SPIDR: variants seen among roughly 807,000 people sequenced by gnomAD.
SPIDR encodes scaffold protein involved in DNA repair, also known as DNA repair-scaffolding protein.
SPIDR carries 93 observed loss-of-function variants against 104.6 expected under a neutral mutation model. The ratio of observed to expected loss-of-function variants is 0.89; its 90% CI spans 0.75 to 1.06. The LOEUF (loss-of-function observed/expected upper bound fraction) is 1.06. Ranked by LOEUF, SPIDR falls within the 50% of genes least tolerant of loss-of-function variation. The pLI is 0.00. For missense variants in SPIDR, 1,154 were observed against 1,111.2 expected, an observed-to-expected ratio of 1.04 and a Z score of -0.55; for synonymous variants, 431 against 416.9, an observed-to-expected ratio of 1.03 and a Z score of -0.41.
intron 5 of SPIDR, among the ~76,000 whole-genome samples, chr8:47,317,483 G>C (rs1254902791): frequency 6.6e-6 from 1 of 152,166 alleles, no homozygotes; most frequent in Non-Finnish European, 1.5e-5. Context: ...GCCCACCACA[G>C]TTCAAGGAGG....
intron 8 of SPIDR, among the ~76,000 whole-genome samples, chr8:47,582,235 C>A (rs535859772): frequency 0.012 from 1,458 of 123,644 alleles, 23 homozygotes; most frequent in African/African-American, 0.042. Context: ...AAAAAAAAAA[C>A]TGCTTGTTTT....
At chr8:47,352,945 T>C (rs901192202) in intron 5 of SPIDR, among the ~76,000 whole-genome samples, 2 of 150,932 alleles carry the variant, frequency 1.3e-5, no homozygotes, top group African/African-American at 2.4e-5. Flanking sequence ...TCCCAGCTAC[T>C]TGGGAGGCTG....
At chr8:47,429,809 A>T (rs185835145) in intron 7 of SPIDR, among the ~76,000 whole-genome samples, 104 of 143,788 alleles carry the variant, frequency 7.2e-4, no homozygotes, top group Non-Finnish European at 1.3e-3. Flanking sequence ...GCTTATATAT[A>T]TTTTTTTTAT....
chr8:47,717,846 G>C (rs186382462), intron 16 of SPIDR, among the ~76,000 whole-genome samples: 1 of 152,346 alleles, frequency 6.6e-6, no homozygotes, highest in East Asian at 1.9e-4. Flanking sequence ...GAGATCAGCA[G>C]TTCAGATTCT....
At chr8:47,567,769 C>CT (rs1475361859) in intron 8 of SPIDR, among the ~76,000 whole-genome samples, 13 of 136,514 alleles carry the variant, frequency 9.5e-5, no homozygotes, top group African/African-American at 3.2e-4. Flanking sequence ...CTTTTCTTTT[C>CT]TTTTCTTTTT....
intron 5 of SPIDR, among the ~76,000 whole-genome samples, chr8:47,336,615 T>C (rs1396727896): frequency 6.6e-6 from 1 of 152,206 alleles, no homozygotes; most frequent in Non-Finnish European, 1.5e-5. Context: ...TTGATATTTT[T>C]TGAGAGCAGA....
chr8:47,538,875 T>C (rs576943809), intron 8 of SPIDR, among the ~76,000 whole-genome samples: 370 of 145,854 alleles, frequency 2.5e-3, no homozygotes, highest in Non-Finnish European at 3.8e-3. Flanking sequence ...TTTTTTTTTT[T>C]TTTGAGACAG....
intron 8 of SPIDR, among the ~76,000 whole-genome samples, chr8:47,455,033 C>G (rs569715726): frequency 1.9e-4 from 29 of 152,040 alleles, no homozygotes; most frequent in African/African-American, 6.8e-4. Context: ...CAATTTGAAG[C>G]CAAAAGAAAA....
chr8:47,636,652 C>T (rs2067972999), intron 10 of SPIDR, among the ~76,000 whole-genome samples: 1 of 151,954 alleles, frequency 6.6e-6, no homozygotes, highest in South Asian at 2.1e-4. Flanking sequence ...GAGCCCACAT[C>T]TCTAAGAAAA....
chr8:47,477,804 G>GAC (rs1446275306), intron 8 of SPIDR, among the ~76,000 whole-genome samples: 4 of 152,200 alleles, frequency 2.6e-5, no homozygotes, highest in Non-Finnish European at 5.9e-5. Flanking sequence ...TGGTAGAAAT[G>GAC]ACCATCCTGT....
rs549385301 is a variant in SPIDR at position 47,264,636 on chromosome 8, T to C, written c.33+3645T>C. Among the ~76,000 whole-genome samples, 197 of 147,392 alleles carry C rather than the reference T, an allele frequency of 1.3e-3. 2 individuals are homozygous for C. Among genetic ancestry groups the C allele is most frequent in the African/African-American group, 4.6e-3 (187 of 40,730 alleles). ...AGCAGCTTGCCTTTTGAGATTTTCT[T>C]TTTTTTTTTTTGAGATGGAGTCTTG... On this transcript the variant is annotated intron_variant, in intron 1 of 19. Coordinates refer to ENST00000297423, the MANE Select transcript of SPIDR (RefSeq NM_001080394.4).
chr8:47,609,838 A>G (rs938173829), intron 10 of SPIDR, among the ~76,000 whole-genome samples: 2 of 152,186 alleles, frequency 1.3e-5, no homozygotes, highest in Non-Finnish European at 2.9e-5. Context: ...ATAATATGAA[A>G]ACTGCTGTGA....
At chr8:47,364,474 G>A (rs1297041388) in intron 5 of SPIDR, among the ~76,000 whole-genome samples, 2 of 152,146 alleles carry the variant, frequency 1.3e-5, no homozygotes, top group Non-Finnish European at 2.9e-5. Flanking sequence ...TGCAAGTTTT[G>A]TTTTTCAGTA....
chr8:47,363,104 G>A (rs1359339318), intron 5 of SPIDR, among the ~76,000 whole-genome samples: 1 of 151,672 alleles, frequency 6.6e-6, no homozygotes, highest in Non-Finnish European at 1.5e-5. Context: ...ATTACAGTAA[G>A]CTCCACAGAG....
rs1003603368 is a variant in SPIDR at position 47,620,482 on chromosome 8, G to A, written c.1544+21286G>A. ...GGGTTTTCGCCATGTTGGCCAGGCT[G>A]GTCTCGAACTCCTGACCCCAGGTGA... On this transcript the variant is annotated intron_variant, in intron 10 of 19. Transcript: ENST00000297423. Among the ~76,000 whole-genome samples, 84 of 152,068 alleles carry A rather than the reference G, an allele frequency of 5.5e-4. 1 individual carries two copies. The highest frequency in any genetic ancestry group is 1.9e-3 in the African/African-American group (78 of 41,474).
At chr8:47,673,181 C>G (rs915908894) in intron 10 of SPIDR, among the ~76,000 whole-genome samples, 1 of 152,226 alleles carries the variant, frequency 6.6e-6, no homozygotes, top group Admixed American at 6.5e-5. Context: ...TAAATAGGCT[C>G]TCATGAGTAA....
At chr8:47,433,239 C>T (rs1394702112) in intron 7 of SPIDR, among the ~76,000 whole-genome samples, 1 of 152,146 alleles carries the variant, frequency 6.6e-6, no homozygotes, top group Non-Finnish European at 1.5e-5. Context: ...CTCCCTAGAT[C>T]CCAGACACCA....
intron 7 of SPIDR, among the ~76,000 whole-genome samples, chr8:47,411,145 C>A (rs2063473167): frequency 6.6e-6 from 1 of 152,300 alleles, no homozygotes; most frequent in African/African-American, 2.4e-5. Flanking sequence ...TTTATAACAG[C>A]ATGATTTATA....
chr8:47,530,412 C>T (rs898304209), intron 8 of SPIDR, among the ~76,000 whole-genome samples: 2 of 152,082 alleles, frequency 1.3e-5, no homozygotes, highest in African/African-American at 4.8e-5. Flanking sequence ...CCTGTGCACT[C>T]CAGCCTGGGT....
Sources: gnomAD v4.1 joint callset for allele counts (sites outside exome capture counted in the v4.1 genomes callset) on GRCh38, gnomAD v4.1.1 for gene constraint, MANE v1.5 for transcripts, NCBI Gene and HGNC (gene_info 2026-07-23, HGNC 2026-07-21) for gene names.